The following MDGA2 variants were observed in gnomAD, a reference collection of about 807,000 sequenced individuals.
MDGA2 encodes MAM domain-containing glycosylphosphatidylinositol anchor protein 2.
Under a neutral mutation model 117.8 loss-of-function variants are expected in MDGA2, and 40 were observed. The observed-to-expected ratio is 0.34, with a 90% CI of 0.26 to 0.44. The LOEUF is 0.44. Ranked by LOEUF, MDGA2 falls within the 20% of genes least tolerant of loss-of-function variation. The pLI is 1.00. For missense variants in MDGA2, 1,123 were observed against 1,250.6 expected (o/e 0.90, Z 1.54); for synonymous variants, 452 against 439.0 (o/e 1.03, Z -0.37).
chr14:47,084,333 A>G (rs1416313101), intron 6 of MDGA2, among the ~76,000 whole-genome samples: 1 of 152,128 alleles, frequency 6.6e-6, no homozygotes, highest in African/African-American at 2.4e-5. Context: ...ATTAAAAAAC[A>G]AACACACTGA....
intron 5 of MDGA2, among the ~76,000 whole-genome samples, chr14:47,118,894 T>G (rs1302442701): frequency 6.6e-6 from 1 of 151,754 alleles, no homozygotes; most frequent in Non-Finnish European, 1.5e-5. Flanking sequence ...CCACCATACC[T>G]GGATAATATT....
intron 6 of MDGA2, among the ~76,000 whole-genome samples, chr14:47,065,781 A>G (rs1015355464): frequency 3.3e-5 from 5 of 152,194 alleles, no homozygotes; most frequent in Non-Finnish European, 7.4e-5. Flanking sequence ...TCTGTTAAGT[A>G]TCTATTTCAG....
chr14:47,069,028 A>G (rs1295345726), intron 6 of MDGA2, among the ~76,000 whole-genome samples: 2 of 152,082 alleles, frequency 1.3e-5, no homozygotes, highest in Non-Finnish European at 2.9e-5. Context: ...TCCATACTGT[A>G]TTCTCTCAGA....
At chr14:47,586,436 T>A (rs928953849) in intron 1 of MDGA2, among the ~76,000 whole-genome samples, 3 of 151,912 alleles carry the variant, frequency 2.0e-5, no homozygotes, top group African/African-American at 7.2e-5. Flanking sequence ...GAGTCTTTGC[T>A]AGGATGATCT....
chr14:47,041,224 T>A (rs890627733), intron 7 of MDGA2, among the ~76,000 whole-genome samples: 1 of 152,072 alleles, frequency 6.6e-6, no homozygotes, highest in Non-Finnish European at 1.5e-5. Flanking sequence ...TTCTCTTTTT[T>A]CTTTCATTTA....
intron 7 of MDGA2, 128 bp downstream of exon 7, chr14:47,061,121 A>G: frequency 1.4e-6 from 1 of 740,014 alleles, no homozygotes; most frequent in Non-Finnish European, 2.2e-6. Flanking sequence ...AGCATTCAGA[A>G]CATTATAATT....
chr14:47,595,629 T>G (rs200380397), intron 1 of MDGA2, among the ~76,000 whole-genome samples: 1 of 150,790 alleles, frequency 6.6e-6, no homozygotes, highest in Non-Finnish European at 1.5e-5. Flanking sequence ...AAGTGAAGGA[T>G]TCACTGAAGG....
intron 1 of MDGA2, among the ~76,000 whole-genome samples, chr14:47,577,381 CAA>C (rs913037719): frequency 6.6e-6 from 1 of 152,066 alleles, no homozygotes; most frequent in African/African-American, 2.4e-5. Context: ...TAGGCACGGG[CAA>C]AGACTTCATG....
intron 11 of MDGA2, among the ~76,000 whole-genome samples, chr14:46,878,997 G>GT (rs536084480): frequency 3.4e-4 from 52 of 152,114 alleles, no homozygotes; most frequent in African/African-American, 1.2e-3. Context: ...AGCGAGTCCA[G>GT]TTTTTTCTTC....
chr14:46,960,015 A>G (rs1365219357), intron 8 of MDGA2, among the ~76,000 whole-genome samples: 2 of 152,020 alleles, frequency 1.3e-5, no homozygotes, highest in Non-Finnish European at 2.9e-5. Context: ...CGAGGTCAGG[A>G]CTTCGAGACC....
chr14:46,938,268 G>T (rs576431219), intron 9 of MDGA2, among the ~76,000 whole-genome samples: 1 of 151,996 alleles, frequency 6.6e-6, no homozygotes, highest in East Asian at 1.9e-4. Context: ...GCTGGGCATG[G>T]TGGCTCATGC....
intron 1 of MDGA2, among the ~76,000 whole-genome samples, chr14:47,373,086 T>C (rs925034684): frequency 6.6e-6 from 1 of 152,096 alleles, no homozygotes; most frequent in African/African-American, 2.4e-5. Flanking sequence ...GTTTTATATG[T>C]TTATAAGCAT....
At chr14:47,600,052 G>A (rs1014372648) in intron 1 of MDGA2, among the ~76,000 whole-genome samples, 4 of 151,924 alleles carry the variant, frequency 2.6e-5, no homozygotes, top group African/African-American at 9.7e-5. Flanking sequence ...TGACATACAT[G>A]ACTTATAGCC....
At chr14:47,560,048 C>T (rs1209094031) in intron 1 of MDGA2, among the ~76,000 whole-genome samples, 1 of 151,876 alleles carries the variant, frequency 6.6e-6, no homozygotes, top group Non-Finnish European at 1.5e-5. Flanking sequence ...TCTCTGCAAC[C>T]TCACTGGCAT....
intron 1 of MDGA2, among the ~76,000 whole-genome samples, chr14:47,308,745 G>A (rs570050994): frequency 2.0e-5 from 3 of 151,486 alleles, no homozygotes; most frequent in South Asian, 2.1e-4. Flanking sequence ...ACTGTCTAGT[G>A]ATTAGAAATA....
At chr14:47,093,596 T>TA (rs1019535912) in intron 6 of MDGA2, among the ~76,000 whole-genome samples, 2 of 152,050 alleles carry the variant, frequency 1.3e-5, no homozygotes, top group African/African-American at 2.4e-5. Context: ...TGCAATTTCT[T>TA]AAAAAACTAT....
At chr14:47,200,866 G>T in intron 3 of MDGA2, 1 of 850,646 alleles carries the variant, frequency 1.2e-6, no homozygotes, top group Non-Finnish European at 2.0e-6. Context: ...GCGGTGGGAT[G>T]CCGTCAAACA....
chr14:46,939,427 T>C (rs1221660100), intron 9 of MDGA2, among the ~76,000 whole-genome samples: 2 of 152,212 alleles, frequency 1.3e-5, no homozygotes, highest in Non-Finnish European at 2.9e-5. Flanking sequence ...AAGATTCTCA[T>C]GAAATGCTTT....
intron 1 of MDGA2, among the ~76,000 whole-genome samples, chr14:47,381,026 T>C (rs948030955): frequency 2.0e-5 from 3 of 152,136 alleles, no homozygotes; most frequent in African/African-American, 7.2e-5. Context: ...TCAAGTTGGC[T>C]TCACTCCTAG....
Sources: gnomAD v4.1 joint callset for allele counts (sites outside exome capture counted in the v4.1 genomes callset) on GRCh38, gnomAD v4.1.1 for gene constraint, MANE v1.5 for transcripts, NCBI Gene and HGNC (gene_info 2026-07-23, HGNC 2026-07-21) for gene names.